ANGPTL6: variants seen among roughly 807,000 people sequenced by gnomAD.
ANGPTL6 encodes the protein angiopoietin like 6, also known as angiopoietin-related protein 6.
Under a neutral mutation model 47.4 loss-of-function variants are expected in ANGPTL6, and 45 were observed. The ratio of observed to expected loss-of-function variants is 0.95; its 90% CI spans 0.75 to 1.22. The LOEUF is 1.22. ANGPTL6 is among the 50% of genes most tolerant of loss of function. The pLI is 0.00. For missense variants in ANGPTL6, 698 were observed against 669.4 expected, an observed-to-expected ratio of 1.04 and a Z score of -0.47; for synonymous variants, 290 against 295.9, an observed-to-expected ratio of 0.98 and a Z score of 0.20.
chr19:10,094,277 G>C (rs1180534437), intron 3 of ANGPTL6, among the ~76,000 whole-genome samples: 2 of 152,158 alleles, frequency 1.3e-5, no homozygotes, highest in Middle Eastern at 3.4e-3. Flanking sequence ...CTCCCGAGCA[G>C]CTGGGACTAC....
rs2088486475 is a variant in ANGPTL6 at position 10,094,750 on chromosome 19, C to G, written c.763+8G>C. The stretch of plus-strand genomic sequence containing the variant: ...ACCCACAATTCCTCAGCCCTAATGT[C>G]GACTTACCCACAGGCTTGGTGGGGA... On this transcript the variant is annotated splice_region_variant and intron_variant, in intron 3 of 5. Transcript: ENST00000253109. 1 of 1,614,146 alleles carries G rather than the reference C, an allele frequency of 6.2e-7. No homozygotes were observed. Among genetic ancestry groups the G allele is most frequent in the Non-Finnish European group, 8.5e-7 (1 of 1,180,016 alleles).
chr19:10,101,578 C>A (rs562550826), intron 1 of ANGPTL6, among the ~76,000 whole-genome samples: 1 of 150,666 alleles, frequency 6.6e-6, no homozygotes, highest in Non-Finnish European at 1.5e-5. Flanking sequence ...GAGGCCGAGG[C>A]GGGAGGATCA....
rs144906507 is a variant in ANGPTL6 at position 10,093,571 on chromosome 19, C to T, written c.1000G>A (p.Val334Met). The stretch of plus-strand genomic sequence containing the variant: ...TCCCCACGGCTGGTCAGCTGATACA[C>T]GGGTTCAAGGCCCAGCCAGTATTCT... ...DGEYWLGLEP[V>M]YQLTSRGDHE... is the part of the protein sequence containing the mutation. The change falls in exon 5 of 6, where the codon GTG (valine) becomes ATG (methionine). Residue 334 changes from valine to methionine, a missense_variant. Physicochemically the swap from Val to Met is conservative, Grantham distance 21. Transcript: ENST00000253109. 19 of 1,613,670 alleles carry T rather than the reference C, an allele frequency of 1.2e-5. No homozygotes were observed. In the Middle Eastern group the frequency reaches 4.9e-4, roughly 42 times the overall value.
upstream of ANGPTL6, among the ~76,000 whole-genome samples, chr19:10,104,082 A>AG (rs2088755502): frequency 1.8e-5 from 1 of 54,128 alleles, no homozygotes; most frequent in African/African-American, 9.2e-5. Context: ...ACTCTGTCTC[A>AG]AAAAAAAAAA....
chr19:10,093,908 A>C (rs2088463671), intron 3 of ANGPTL6, 28 bp from the exon 4 acceptor site: 2 of 1,601,926 alleles, frequency 1.2e-6, no homozygotes, highest in South Asian at 2.2e-5. Context: ...GGGGGGAGGC[A>C]CAGCCTGGGC....
chr19:10,100,315 C>T (rs2088650781), intron 1 of ANGPTL6, among the ~76,000 whole-genome samples: 1 of 152,054 alleles, frequency 6.6e-6, no homozygotes, highest in African/African-American at 2.4e-5. Context: ...GCAATCATAG[C>T]TCACTGTAGC....
At chr19:10,092,828 T>G in intron 5 of ANGPTL6, 49 bp from the exon 6 acceptor site, 37 of 1,460,108 alleles carry the variant, frequency 2.5e-5, no homozygotes, top group South Asian at 4.1e-5. Flanking sequence ...TAAAAGCCTC[T>G]ACCTGCACCT....
chr19:10,094,376 G>A (rs2088475439), intron 3 of ANGPTL6: 1 of 276,224 alleles, frequency 3.6e-6, no homozygotes, highest in Non-Finnish European at 6.9e-6. Context: ...TTGATCTCCT[G>A]ACCTCGTGAT....
At position 10,096,559 on chromosome 19, in the gene ANGPTL6, C is replaced by G; in HGVS notation, c.5G>C (p.Gly2Ala). Residue 2 changes from glycine to alanine, a missense_variant, in exon 2 of 6, where the codon GGG becomes GCG. Coordinates refer to ENST00000253109, the MANE Select transcript of ANGPTL6 (RefSeq NM_031917.3). ...CTGTAGCGCACGCAGCCAGGGCTTCCCCATCGCGGCGGACCTGCAGGCAGA... is the reference window on the plus strand; with the variant it reads ...CTGTAGCGCACGCAGCCAGGGCTTCGCCATCGCGGCGGACCTGCAGGCAGA... M[G>A]KPWLRALQLL... The G allele has an allele frequency of 6.6e-7, 1 of 1,508,462 alleles. No homozygotes were observed. The highest frequency in any genetic ancestry group is 8.8e-7 in the Non-Finnish European group (1 of 1,135,778). 93.4% of individuals were successfully genotyped at this position (1,508,462 alleles called of 1,614,324 possible).
upstream of ANGPTL6, chr19:10,102,719 C>A (rs779303052): frequency 1.0e-6 from 1 of 984,684 alleles, no homozygotes; most frequent in Non-Finnish European, 1.2e-6. Context: ...CACTCCCCAG[C>A]CCCCAGAGCC....
chr19:10,103,318 C>T (rs2088727429), upstream of ANGPTL6, among the ~76,000 whole-genome samples: 1 of 151,866 alleles, frequency 6.6e-6, no homozygotes, highest in African/African-American at 2.4e-5. Context: ...AGTCTGGGTG[C>T]AGTGGCTCAT....
At chr19:10,100,018 C>T (rs1304032472) in intron 1 of ANGPTL6, among the ~76,000 whole-genome samples, 1 of 150,986 alleles carries the variant, frequency 6.6e-6, no homozygotes, top group Non-Finnish European at 1.5e-5. Flanking sequence ...CGCCACCACA[C>T]CCAGCTAATT....
rs1166888184 is a variant in ANGPTL6, at chr19:10,094,908, CCA to C, written c.611_612del (p.Val204GlyfsTer8). On this transcript the variant is annotated frameshift_variant, in exon 3 of 6. Transcript: ENST00000253109. LOFTEE classifies it high-confidence loss of function. ...GTGCTACCCACAAGACGGACCGGAA[CCA>C]CAGGCACCAGTGGGGGTGGCGGCAG... ...QVLPPPPLVPVVPVRLVGSTS... is the reference protein window; with the variant it reads ...QVLPPPPLVPXVPVRLVGSTS... 8.1e-6 allele frequency: 13 copies of C among 1,611,754 alleles called. No homozygotes were observed. Among genetic ancestry groups the C allele is most frequent in the African/African-American group, 1.3e-5 (1 of 74,810 alleles).
In ANGPTL6 at chr19:10,099,889, CT is replaced by C. The variant is rs1250522413; in HGVS notation, c.-11+2678del. Among the ~76,000 whole-genome samples, 356 of 137,008 alleles carry C rather than the reference CT, an allele frequency of 2.6e-3. 2 individuals carry two copies. Among genetic ancestry groups the C allele is most frequent in the Non-Finnish European group, 3.1e-3 (193 of 62,830 alleles). 89.9% of individuals were successfully genotyped at this position (137,008 alleles called of 152,430 possible). ...TCTCTCTCTCTCTCCCCCACGCCCT[CT>C]TTTTTTTTTTTTTAGACGGAGTCTC... On this transcript the variant is annotated intron_variant, in intron 1 of 5. Coordinates refer to ENST00000253109, the MANE Select transcript of ANGPTL6 (RefSeq NM_031917.3).
chr19:10,100,245 C>CA (rs1371433066), intron 1 of ANGPTL6, among the ~76,000 whole-genome samples: 7 of 149,254 alleles, frequency 4.7e-5, no homozygotes, highest in South Asian at 2.1e-4. Flanking sequence ...GACTCCATCT[C>CA]AAAAAAAAAG....
At chr19:10,098,623 G>A (rs906860264) in intron 1 of ANGPTL6, among the ~76,000 whole-genome samples, 2 of 152,018 alleles carry the variant, frequency 1.3e-5, no homozygotes, top group Middle Eastern at 3.2e-3. Flanking sequence ...TCAGGAATTC[G>A]AGACTAGCAT....
chr19:10,104,096 A>AAG (rs908692390), upstream of ANGPTL6, among the ~76,000 whole-genome samples: 2 of 151,484 alleles, frequency 1.3e-5, no homozygotes, highest in Non-Finnish European at 2.9e-5. Flanking sequence ...AAAAAAAAAA[A>AAG]AAAAAGAAAA....
At chr19:10,102,690 A>C (rs2088712083), upstream of ANGPTL6, 1 of 984,710 alleles carries the variant, frequency 1.0e-6, no homozygotes, top group Non-Finnish European at 1.2e-6. Context: ...GGACAGAAGG[A>C]GAGAGGAGGC....
At chr19:10,103,064 C>T (rs1213175440), upstream of ANGPTL6, among the ~76,000 whole-genome samples, 1 of 151,876 alleles carries the variant, frequency 6.6e-6, no homozygotes, top group East Asian at 1.9e-4. Context: ...ATCCTTACAA[C>T]CTGAGCTGGA....
Sources: allele counts gnomAD v4.1 joint callset (sites outside exome capture counted in the v4.1 genomes callset), GRCh38; gene constraint gnomAD v4.1.1; transcripts MANE v1.5; gene names NCBI Gene and HGNC (gene_info 2026-07-23, HGNC 2026-07-21).